The following SCN3A variants were observed in gnomAD, a reference collection of about 807,000 sequenced individuals.
The protein encoded by SCN3A is sodium voltage-gated channel alpha subunit 3.
Under a neutral mutation model 187.6 loss-of-function variants are expected in SCN3A, and 60 were observed. The observed-to-expected ratio is 0.32, with a 90% CI of 0.26 to 0.40. SCN3A has a LOEUF of 0.40. Among genes scored for constraint, SCN3A ranks in the 10% least tolerant of loss-of-function variants. SCN3A has a pLI of 1.00. For synonymous variants in SCN3A, 788 were observed against 829.2 expected (o/e 0.95, Z 0.85); for missense variants, 1,601 against 2,428.2 (o/e 0.66, Z 7.16).
chr2:165,198,084 A>G (rs1467602584), intron 1 of SCN3A, among the ~76,000 whole-genome samples: 2 of 152,016 alleles, frequency 1.3e-5, no homozygotes, highest in East Asian at 1.9e-4. Flanking sequence ...ACAAATTTCA[A>G]TAGTATTTAA....
chr2:165,156,869 C>A (rs13012612), intron 9 of SCN3A, among the ~76,000 whole-genome samples: 34,253 of 151,402 alleles, frequency 0.23, 5,021 homozygotes, highest in East Asian at 0.52. Flanking sequence ...ATTATTATTA[C>A]CTAAAGTTAC....
chr2:165,131,370 G>T lies in SCN3A; in HGVS notation c.2439C>A (p.Ala813=). The change falls in exon 16 of 28, where the codon GCC becomes GCA. Residue 813 remains alanine, a synonymous_variant. Transcript: ENST00000283254. The part of the protein sequence containing the change: ...FTAEMVLKII[A]MDPYYYFQEG... ...CTTGGAAATAGTAATAAGGATCCATGGCAATGATCTTGAGAACCATTTCTG... is the reference window on the plus strand; with the variant it reads ...CTTGGAAATAGTAATAAGGATCCATTGCAATGATCTTGAGAACCATTTCTG... The T allele has an allele frequency of 1.2e-6, 2 of 1,607,040 alleles. No individual in the cohort carries two copies. Among genetic ancestry groups the T allele is most frequent in the Non-Finnish European group, 8.5e-7 (1 of 1,175,808 alleles).
At chr2:165,091,769 T>G in intron 27 of SCN3A, 1 of 267,178 alleles carries the variant, frequency 3.7e-6, no homozygotes, top group Non-Finnish European at 7.1e-6. Context: ...TTTCTAAATT[T>G]GGGGTTCTAT....
intron 5 of SCN3A, among the ~76,000 whole-genome samples, chr2:165,165,287 ATG>A (rs145221065): frequency 6.4e-4 from 96 of 150,294 alleles, no homozygotes; most frequent in Admixed American, 1.6e-3. Context: ...CTGTATAGAG[ATG>A]TGTGTGTGTG....
chr2:165,123,477 T>C (rs1686809932), intron 18 of SCN3A, among the ~76,000 whole-genome samples: 1 of 152,176 alleles, frequency 6.6e-6, no homozygotes, highest in Non-Finnish European at 1.5e-5. Context: ...ATTAATTTAC[T>C]GTCTCCTCTT....
chr2:165,175,594 A>T (rs999178955), intron 3 of SCN3A, among the ~76,000 whole-genome samples: 1 of 151,828 alleles, frequency 6.6e-6, no homozygotes, highest in East Asian at 1.9e-4. Context: ...TTAAGAGAAG[A>T]TCCTAATCAT....
chr2:165,183,095 A>G (rs1690993648), intron 2 of SCN3A, among the ~76,000 whole-genome samples: 1 of 152,212 alleles, frequency 6.6e-6, no homozygotes, highest in Admixed American at 6.5e-5. Flanking sequence ...AGACTCACAC[A>G]ACTACCAATT....
At chr2:165,104,315 G>T (rs1369838748) in intron 21 of SCN3A, among the ~76,000 whole-genome samples, 2 of 151,810 alleles carry the variant, frequency 1.3e-5, no homozygotes, top group African/African-American at 4.8e-5. Context: ...ATAAAATAAA[G>T]CTCAAATTAG....
At chr2:165,091,488 G>T (rs1344549793) in intron 27 of SCN3A, 143 bp from the exon 28 acceptor site, 5 of 1,067,196 alleles carry the variant, frequency 4.7e-6, no homozygotes, top group Non-Finnish European at 6.9e-6. Flanking sequence ...CCTGACATTA[G>T]CAATTACAGA....
intron 3 of SCN3A, among the ~76,000 whole-genome samples, chr2:165,174,283 G>A (rs563892770): frequency 6.6e-6 from 1 of 152,258 alleles, no homozygotes; most frequent in African/African-American, 2.4e-5. Flanking sequence ...TAATGAGCAC[G>A]TTCTTTTCTT....
At chr2:165,157,225 A>G (rs111796087) in intron 9 of SCN3A, among the ~76,000 whole-genome samples, 4,904 of 151,846 alleles carry the variant, frequency 0.032, 256 homozygotes, top group African/African-American at 0.11. Flanking sequence ...TTTTTTTCTT[A>G]ATGTCCTTTT....
intron 15 of SCN3A, 82 bp downstream of exon 15, chr2:165,137,797 A>G (rs1419043124): frequency 9.0e-7 from 1 of 1,111,062 alleles, no homozygotes; most frequent in Non-Finnish European, 1.4e-6. Flanking sequence ...TTTGGGTTCA[A>G]CACAGCACAA....
chr2:165,159,014 C>G (rs1374835563), intron 9 of SCN3A, among the ~76,000 whole-genome samples: 1 of 137,766 alleles, frequency 7.3e-6, no homozygotes, highest in Non-Finnish European at 1.5e-5. Flanking sequence ...TGTAAGAAAC[C>G]GCCAAACTGT....
chr2:165,129,933 T>C lies in SCN3A; in HGVS notation c.2922+7A>G. On this transcript the variant is annotated splice_region_variant and intron_variant, in intron 17 of 27. Coordinates refer to ENST00000283254, the MANE Select transcript of SCN3A (RefSeq NM_006922.4). The stretch of plus-strand genomic sequence containing the variant: ...CTAATTTATGAGCATTTGTACTACA[T>C]ACATACCACAAGGTTTCCAATGACC... The C allele has an allele frequency of 6.2e-7, 1 of 1,613,994 alleles. No individual in the cohort carries two copies. Among genetic ancestry groups the C allele is most frequent in the Non-Finnish European group, 8.5e-7 (1 of 1,179,880 alleles).
chr2:165,193,547 C>G (rs913559022), intron 1 of SCN3A, among the ~76,000 whole-genome samples: 2 of 152,128 alleles, frequency 1.3e-5, no homozygotes, highest in African/African-American at 4.8e-5. Context: ...GTGTTGCCCT[C>G]AGCCACATGT....
chr2:165,099,485 G>A (rs375840466), intron 22 of SCN3A, among the ~76,000 whole-genome samples: 1 of 152,160 alleles, frequency 6.6e-6, no homozygotes, highest in African/African-American at 2.4e-5. Flanking sequence ...TTGGGAGGCC[G>A]AGGCGGGCGG....
Position 165,090,464 on chromosome 2 carries a change from G to T in SCN3A, c.5689C>A (p.Arg1897Ser). ...GCGGCAGACACCTCCTCTTGTTTAC[G>T]TTTCAAAGTGGTTGTAATAGGCTCA... ...SYEPITTTLK[R>S]KQEEVSAAII... Residue 1897 changes from arginine to serine, a missense_variant, in exon 28 of 28, where the codon CGT (arginine) becomes AGT (serine). This residue lies in a region of SCN3A where 110 missense variants were observed against 175.9 expected (regional missense o/e 0.63). Coordinates refer to ENST00000283254, the MANE Select transcript of SCN3A (RefSeq NM_006922.4). This position sits in a 1 kb window ranked among gnomAD's most constrained non-coding sequence, Gnocchi z 4.0. 6.2e-7 allele frequency: 1 copy of T among 1,613,952 alleles called. No individual in the cohort carries two copies. The highest frequency in any genetic ancestry group is 1.3e-5 in the African/African-American group (1 of 75,014).
chr2:165,162,723 T>C lies in SCN3A; in HGVS notation c.800A>G (p.Gln267Arg). ...ATTCCTCAGATTGCCCATGAACAGCTGCAGCCCAATGAGAGCAAACACGCT... is the reference window on the plus strand; with the variant it reads ...ATTCCTCAGATTGCCCATGAACAGCCGCAGCCCAATGAGAGCAAACACGCT... ...CLSVFALIGLQLFMGNLRNKC... is the reference protein window; with the variant it reads ...CLSVFALIGLRLFMGNLRNKC... The change falls in exon 8 of 28, where the codon CAG (glutamine) becomes CGG (arginine). Residue 267 changes from glutamine (Q) to arginine (R), a missense_variant. By Grantham distance (43) the Gln-to-Arg change is conservative. Coordinates refer to ENST00000283254, the MANE Select transcript of SCN3A (RefSeq NM_006922.4). 1 of 1,614,140 alleles carries C rather than the reference T, an allele frequency of 6.2e-7. No individual in the cohort carries two copies. The highest frequency in any genetic ancestry group is 8.5e-7 in the Non-Finnish European group (1 of 1,179,998).
chr2:165,094,196 T>G (rs1685248393), intron 26 of SCN3A, 178 bp downstream of exon 26: 2 of 652,890 alleles, frequency 3.1e-6, no homozygotes, highest in Non-Finnish European at 2.7e-6. Context: ...CTCCTTTTTT[T>G]GGAATGTGGT....
Sources: gnomAD v4.1 joint callset for allele counts (sites outside exome capture counted in the v4.1 genomes callset) on GRCh38, gnomAD v4.1.1 for gene constraint, gnomAD v4.1.1 regional missense constraint, Gnocchi (gnomAD v3.1) non-coding constraint, MANE v1.5 for transcripts, NCBI Gene and HGNC (gene_info 2026-07-23, HGNC 2026-07-21) for gene names.